LRGUK: variants seen among roughly 807,000 people sequenced by gnomAD.
The protein encoded by LRGUK is leucine-rich repeat and guanylate kinase domain-containing protein.
Under a neutral mutation model 76.0 loss-of-function variants are expected in LRGUK, and 65 were observed. The ratio of observed to expected loss-of-function variants is 0.85; its 90% CI spans 0.70 to 1.05. The LOEUF (loss-of-function observed/expected upper bound fraction) is 1.05, where lower values mean the gene tolerates loss of function less well. Among genes scored for constraint, LRGUK ranks in the 50% least tolerant of loss-of-function variants. The pLI is 0.00. For synonymous variants in LRGUK, 268 were observed against 265.6 expected, an observed-to-expected ratio of 1.01 and a Z score of -0.09; for missense variants, 758 against 732.8, an observed-to-expected ratio of 1.03 and a Z score of -0.40.
At chr7:134,172,467 TAG>T (rs1458975045) in intron 7 of LRGUK, among the ~76,000 whole-genome samples, 1 of 152,156 alleles carries the variant, frequency 6.6e-6, no homozygotes, top group African/African-American at 2.4e-5. Flanking sequence ...ACAAAAAAAT[TAG>T]ATACAAGACG....
intron 6 of LRGUK, among the ~76,000 whole-genome samples, chr7:134,159,336 CAAAAAA>C (rs35701399): frequency 1.7e-4 from 14 of 81,498 alleles, no homozygotes; most frequent in Non-Finnish European, 2.0e-4. Context: ...GACCCTGCCT[CAAAAAA>C]AAAAAAAAAA....
intron 1 of LRGUK, among the ~76,000 whole-genome samples, chr7:134,129,916 C>T (rs1192019960): frequency 6.6e-6 from 1 of 152,118 alleles, no homozygotes; most frequent in Non-Finnish European, 1.5e-5. Context: ...CAACTCCTTT[C>T]CTCATTTGTC....
chr7:134,252,075 T>A (rs1015514041), intron 18 of LRGUK, among the ~76,000 whole-genome samples: 1 of 151,944 alleles, frequency 6.6e-6, no homozygotes, highest in African/African-American at 2.4e-5. Flanking sequence ...GGCTCACACC[T>A]CTAATTCCAG....
At chr7:134,190,806 C>T (rs1453286895) in intron 11 of LRGUK, among the ~76,000 whole-genome samples, 2 of 89,374 alleles carry the variant, frequency 2.2e-5, no homozygotes, top group Admixed American at 1.0e-4. Context: ...GCGAATAAGA[C>T]ATGGTCCTCC....
intron 10 of LRGUK, among the ~76,000 whole-genome samples, chr7:134,181,645 G>C (rs1217794689): frequency 6.6e-6 from 1 of 151,730 alleles, no homozygotes; most frequent in Non-Finnish European, 1.5e-5. Context: ...TTCAATATTT[G>C]TCACTTTCTT....
At position 134,258,210 on chromosome 7, in the gene LRGUK, C is replaced by G. The variant is rs748497286; in HGVS notation, c.2199-47C>G. The G allele has an allele frequency of 3.7e-6, 6 of 1,610,430 alleles. No homozygotes were observed. In the South Asian group the frequency reaches 6.6e-5, roughly 18 times the overall value. On this transcript the variant is annotated intron_variant, in intron 18 of 19. Transcript: ENST00000285928. ...GCATAGATCGTGTGGCCATTAGTAGCGAATAGTTTGGATCTCAAAAAGATC... is the reference window on the plus strand; with the variant it reads ...GCATAGATCGTGTGGCCATTAGTAGGGAATAGTTTGGATCTCAAAAAGATC...
intron 18 of LRGUK, among the ~76,000 whole-genome samples, chr7:134,257,406 T>C (rs755723077): frequency 6.6e-6 from 1 of 151,878 alleles, no homozygotes; most frequent in Non-Finnish European, 1.5e-5. Flanking sequence ...TGGAAGGCAG[T>C]GAAGAAACAG....
chr7:134,197,913 TA>T (rs547635181), intron 13 of LRGUK, among the ~76,000 whole-genome samples: 24 of 151,274 alleles, frequency 1.6e-4, no homozygotes, highest in Admixed American at 4.6e-4. Context: ...CTTTTGGAAT[TA>T]AAAAAAAAGC....
At position 134,197,325 on chromosome 7, in the gene LRGUK, G is replaced by A. The variant is rs190574639; in HGVS notation, c.1545+220G>A. Among the ~76,000 whole-genome samples, 304 of 152,220 alleles carry A rather than the reference G, an allele frequency of 2.0e-3. 1 individual carries two copies. The highest frequency in any genetic ancestry group is 6.8e-3 in the African/African-American group (283 of 41,552). ...TGCCAGGCACAAGATAAGATATTCC[G>A]TTTATAATTACTATGGGGGGCAAGA... On this transcript the variant is annotated intron_variant, in intron 13 of 15. Coordinates refer to ENST00000645682, the Ensembl canonical transcript of LRGUK.
intron 10 of LRGUK, among the ~76,000 whole-genome samples, chr7:134,183,080 A>T (rs1348987434): frequency 6.6e-6 from 1 of 152,194 alleles, no homozygotes; most frequent in Non-Finnish European, 1.5e-5. Context: ...TAATCAATTC[A>T]TTCTTTAGTC....
intron 5 of LRGUK, among the ~76,000 whole-genome samples, chr7:134,149,121 A>AT (rs561559164): frequency 6.1e-4 from 91 of 148,840 alleles, no homozygotes; most frequent in Non-Finnish European, 1.1e-3. Context: ...AAAAAAAAAA[A>AT]AACAACTTTT....
downstream of LRGUK, among the ~76,000 whole-genome samples, chr7:134,214,442 A>T (rs147654909): frequency 3.3e-5 from 5 of 152,360 alleles, no homozygotes; most frequent in Non-Finnish European, 5.9e-5. Context: ...CTTATGGGCA[A>T]GGATGTTCAT....
chr7:134,271,224 C>T, the LRGUK span, among the ~76,000 whole-genome samples: 1 of 151,846 alleles, frequency 6.6e-6, no homozygotes, highest in Non-Finnish European at 1.5e-5. Context: ...GTTAATTAAG[C>T]ATATTACAAA....
At chr7:134,187,417 T>C (rs1252756188) in intron 11 of LRGUK, among the ~76,000 whole-genome samples, 1 of 152,194 alleles carries the variant, frequency 6.6e-6, no homozygotes, top group Non-Finnish European at 1.5e-5. Context: ...AATTTTTTCC[T>C]GGCATTTTAC....
intron 1 of LRGUK, among the ~76,000 whole-genome samples, chr7:134,134,284 A>T (rs747700139): frequency 3.9e-5 from 6 of 152,124 alleles, no homozygotes; most frequent in Non-Finnish European, 8.8e-5. Context: ...TCCAGGGTGG[A>T]GCAGTTTAGC....
Position 134,264,101 on chromosome 7 carries a change from C to T in LRGUK, c.*126C>T, listed in dbSNP as rs1003058630. The T allele has an allele frequency of 1.1e-5, 10 of 898,876 alleles. No homozygotes were observed. The African/African-American group carries it at 1.7e-4, about 16-fold the overall frequency. The allele number at this position is 898,876 out of a possible 1,614,324, so 55.7% of individuals were successfully genotyped here. A position where few individuals can be genotyped will look rare whatever the true frequency, so the allele number is the denominator to read the frequency against. On this transcript the variant is annotated 3_prime_UTR_variant, in exon 20 of 20. Transcript: ENST00000285928. The stretch of plus-strand genomic sequence containing the variant: ...CATTACCCACGGAAGAATGTTCTAC[C>T]TGCCTTAATTCTATCAGCCAGTTTC...
chr7:134,162,174 T>C (rs963840296), intron 6 of LRGUK, among the ~76,000 whole-genome samples: 1 of 152,160 alleles, frequency 6.6e-6, no homozygotes, highest in Non-Finnish European at 1.5e-5. Context: ...GAAATAACCA[T>C]CCTATTAACT....
At chr7:134,245,417 C>G (rs1802275972) in intron 16 of LRGUK, among the ~76,000 whole-genome samples, 1 of 152,124 alleles carries the variant, frequency 6.6e-6, no homozygotes, top group Admixed American at 6.6e-5. Flanking sequence ...CATAAACACT[C>G]ACATCATGCA....
exon 16 of LRGUK, chr7:134,209,608 C>T (rs1585559901): frequency 5.0e-6 from 2 of 399,078 alleles, no homozygotes; most frequent in Non-Finnish European, 4.4e-6. Context: ...CACCCAAACT[C>T]CTATCGCCCA....
Sources: gnomAD v4.1 joint callset for allele counts (sites outside exome capture counted in the v4.1 genomes callset) on GRCh38, gnomAD v4.1.1 for gene constraint, MANE v1.5 for transcripts, NCBI Gene and HGNC (gene_info 2026-07-23, HGNC 2026-07-21) for gene names.